ERBB4: variants seen among roughly 807,000 people sequenced by gnomAD.
The protein encoded by ERBB4 is receptor tyrosine-protein kinase erbB-4.
ERBB4 carries 42 observed loss-of-function variants against 158.0 expected under a neutral mutation model. That is an observed-to-expected ratio of 0.27 (90% CI 0.21 to 0.34). The LOEUF (loss-of-function observed/expected upper bound fraction) is 0.34, where lower values mean the gene tolerates loss of function less well. Ranked by LOEUF, ERBB4 falls within the 10% of genes least tolerant of loss-of-function variation. The pLI is 1.00. For synonymous variants in ERBB4, 583 were observed against 558.7 expected, an observed-to-expected ratio of 1.04 and a Z score of -0.61; for missense variants, 1,333 against 1,624.1, an observed-to-expected ratio of 0.82 and a Z score of 3.08.
At chr2:211,793,896 A>G (rs1328124772) in intron 3 of ERBB4, among the ~76,000 whole-genome samples, 1 of 152,024 alleles carries the variant, frequency 6.6e-6, no homozygotes, top group East Asian at 1.9e-4. Context: ...AAGTTTTTAT[A>G]CAGATGATTT....
intron 16 of ERBB4, among the ~76,000 whole-genome samples, chr2:211,639,651 T>A (rs1439500945): frequency 6.6e-6 from 1 of 152,232 alleles, no homozygotes; most frequent in African/African-American, 2.4e-5. Flanking sequence ...GCATTAAGCA[T>A]ACACATTTCT....
At chr2:212,078,416 G>A (rs1042108921) in intron 2 of ERBB4, among the ~76,000 whole-genome samples, 10 of 151,922 alleles carry the variant, frequency 6.6e-5, no homozygotes, top group East Asian at 1.9e-4. Flanking sequence ...ATGAAACAGC[G>A]TAGATAATAT....
At chr2:211,955,179 C>A (rs542887588) in intron 2 of ERBB4, among the ~76,000 whole-genome samples, 4 of 150,666 alleles carry the variant, frequency 2.7e-5, no homozygotes, top group Admixed American at 6.6e-5. Context: ...AAACTGCTAA[C>A]TTTCAGCCAT....
intron 25 of ERBB4, among the ~76,000 whole-genome samples, chr2:211,414,854 A>C (rs1321042717): frequency 6.6e-6 from 1 of 152,096 alleles, no homozygotes; most frequent in African/African-American, 2.4e-5. Flanking sequence ...TAAGTTACGT[A>C]AACTGTCCAT....
chr2:211,816,950 T>TA (rs1414149670), intron 3 of ERBB4, among the ~76,000 whole-genome samples: 1 of 152,134 alleles, frequency 6.6e-6, no homozygotes, highest in Non-Finnish European at 1.5e-5. Flanking sequence ...AAACAGCCTT[T>TA]AAAAAAATCC....
chr2:212,305,303 G>A (rs186657545), intron 1 of ERBB4, among the ~76,000 whole-genome samples: 23 of 151,322 alleles, frequency 1.5e-4, no homozygotes, highest in East Asian at 9.8e-4. Context: ...TAGTGAGGAC[G>A]TACTCTAAAC....
At chr2:211,623,207 A>G (rs1176019707) in intron 18 of ERBB4, among the ~76,000 whole-genome samples, 2 of 151,194 alleles carry the variant, frequency 1.3e-5, no homozygotes, top group African/African-American at 2.4e-5. Context: ...ATTAAGGCAA[A>G]TAAGTAAACA....
intron 2 of ERBB4, among the ~76,000 whole-genome samples, chr2:212,015,042 ATATATATAT>A (rs2076483158): frequency 1.7e-4 from 2 of 11,630 alleles, no homozygotes; most frequent in African/African-American, 4.8e-4. Context: ...AAAAAAAAAA[ATATATATAT>A]ATATATATAT....
At chr2:212,128,148 TGA>T (rs1212093452) in intron 1 of ERBB4, among the ~76,000 whole-genome samples, 1 of 152,214 alleles carries the variant, frequency 6.6e-6, no homozygotes, top group Non-Finnish European at 1.5e-5. Flanking sequence ...TTATTGCCTT[TGA>T]GAATGCAGAT....
At chr2:211,919,192 T>A (rs1005862380) in intron 3 of ERBB4, among the ~76,000 whole-genome samples, 1 of 152,038 alleles carries the variant, frequency 6.6e-6, no homozygotes, top group African/African-American at 2.4e-5. Flanking sequence ...CCAAAGTAAT[T>A]AAAATATTTA....
intron 25 of ERBB4, among the ~76,000 whole-genome samples, chr2:211,400,592 A>G (rs1355197557): frequency 7.5e-5 from 11 of 147,582 alleles, no homozygotes; most frequent in African/African-American, 1.1e-4. Flanking sequence ...GAAATTATGG[A>G]GATAGAGAGT....
intron 2 of ERBB4, among the ~76,000 whole-genome samples, chr2:211,949,595 CTTA>C (rs1320184581): frequency 2.0e-5 from 3 of 152,104 alleles, no homozygotes; most frequent in Non-Finnish European, 4.4e-5. Context: ...TTTTATGGCT[CTTA>C]TTATAATTCT....
chr2:212,471,264 ATTAC>A (rs539274430), intron 1 of ERBB4, among the ~76,000 whole-genome samples: 46 of 152,154 alleles, frequency 3.0e-4, no homozygotes, highest in African/African-American at 1.1e-3. Context: ...GAAATATTTT[ATTAC>A]TTAAATAGTA....
chr2:212,166,946 A>T (rs555770331), intron 1 of ERBB4, among the ~76,000 whole-genome samples: 4 of 152,326 alleles, frequency 2.6e-5, no homozygotes, highest in African/African-American at 9.6e-5. Flanking sequence ...TTAACTCAAG[A>T]TGGATTGAAG....
intron 1 of ERBB4, among the ~76,000 whole-genome samples, chr2:212,250,512 C>T (rs564674485): frequency 9.2e-4 from 140 of 151,820 alleles, no homozygotes; most frequent in African/African-American, 3.0e-3. Context: ...AATGAGATTG[C>T]GAGATATTTA....
At chr2:211,889,189 C>T (rs1391006056) in intron 3 of ERBB4, among the ~76,000 whole-genome samples, 13 of 143,812 alleles carry the variant, frequency 9.0e-5, no homozygotes, top group East Asian at 3.9e-4. Flanking sequence ...TCCCAGCACG[C>T]AGCTGGAGAT....
intron 2 of ERBB4, among the ~76,000 whole-genome samples, chr2:212,000,539 T>A (rs2076079367): frequency 6.6e-6 from 1 of 151,864 alleles, no homozygotes; most frequent in Non-Finnish European, 1.5e-5. Flanking sequence ...CTCTGTTTTA[T>A]GGCAAATAAC....
intron 2 of ERBB4, among the ~76,000 whole-genome samples, chr2:212,119,024 G>T (rs1371754270): frequency 6.6e-6 from 1 of 151,824 alleles, no homozygotes; most frequent in East Asian, 1.9e-4. Context: ...AGAAATAAAA[G>T]ACATGTATAA....
chr2:211,964,289 T>A (rs1204337616), intron 2 of ERBB4, among the ~76,000 whole-genome samples: 5 of 152,176 alleles, frequency 3.3e-5, no homozygotes, highest in Non-Finnish European at 7.4e-5. Context: ...ATCAACATCA[T>A]CACAGCACTG....
Sources: gnomAD v4.1 joint callset for allele counts (sites outside exome capture counted in the v4.1 genomes callset) on GRCh38, gnomAD v4.1.1 for gene constraint, MANE v1.5 for transcripts, NCBI Gene and HGNC (gene_info 2026-07-23, HGNC 2026-07-21) for gene names.